KATNAL2: variants seen among roughly 807,000 people sequenced by gnomAD.
KATNAL2 encodes the protein katanin catalytic subunit A1 like 2.
A neutral mutation model predicts 76.3 loss-of-function variants in KATNAL2; 52 were observed. The ratio of observed to expected loss-of-function variants is 0.68; its 90% CI spans 0.55 to 0.86. The LOEUF is 0.86. KATNAL2 is among the 40% of genes least tolerant of loss of function. The probability of loss-of-function intolerance (pLI) is 0.00; values close to 1 mark genes in which losing one functional copy is unlikely to be tolerated. For missense variants in KATNAL2, 660 were observed against 668.9 expected (o/e 0.99, Z 0.15); for synonymous variants, 243 against 244.2 (o/e 1.00, Z 0.05).
intron 15 of KATNAL2, among the ~76,000 whole-genome samples, chr18:47,087,642 C>G (rs567597156): frequency 6.6e-6 from 1 of 152,014 alleles, no homozygotes; most frequent in South Asian, 2.1e-4. Flanking sequence ...ACAACAAACC[C>G]CCATGACAAA....
Position 46,949,069 on chromosome 18 carries a change from CTG to C in KATNAL2, c.51+2148_51+2149del, listed in dbSNP as rs1023585421. Reference sequence around the variant, plus strand: ...GCAACACCATGCCCGGCTAATTTTTCTGTATATTTAGTAGAAATGGGTTTTGC... The same window carrying C: ...GCAACACCATGCCCGGCTAATTTTTCTATATTTAGTAGAAATGGGTTTTGC... On this transcript the variant is annotated intron_variant, in intron 3 of 17. Transcript: ENST00000683218. Among the ~76,000 whole-genome samples the C allele has an allele frequency of 3.5e-4, 53 of 151,810 alleles. 1 individual carries two copies. Among genetic ancestry groups the C allele is most frequent in the African/African-American group, 1.2e-3 (50 of 41,406 alleles).
chr18:47,034,668 G>T (rs1370301857), intron 3 of KATNAL2: 3 of 1,613,486 alleles, frequency 1.9e-6, no homozygotes, highest in Non-Finnish European at 2.5e-6. Context: ...CCTGAGCCGC[G>T]TGAGTGTGGC....
rs1018252434 is a variant in KATNAL2 at position 46,946,689 on chromosome 18, G to A, written c.-20+143G>A. On this transcript the variant is annotated intron_variant, in intron 2 of 17. Transcript: ENST00000683218. ...CATGCAAACACTCTGGATTAAACAT[G>A]CATGGTCTAACATTGATTGGCATGT... The A allele has an allele frequency of 2.8e-6, 3 of 1,055,474 alleles. No individual in the cohort carries two copies. In the African/African-American group the frequency reaches 4.8e-5, roughly 17 times the overall value. 65.4% of individuals were successfully genotyped at this position (1,055,474 alleles called of 1,614,324 possible). A position where few individuals can be genotyped will look rare whatever the true frequency, so the allele number is the denominator to read the frequency against.
At chr18:46,944,683 C>T (rs907140130) in intron 1 of KATNAL2, among the ~76,000 whole-genome samples, 2 of 151,926 alleles carry the variant, frequency 1.3e-5, no homozygotes, top group Non-Finnish European at 2.9e-5. Context: ...TGCAGTGAGC[C>T]GAGATCACGC....
chr18:47,057,679 T>C (rs1454459637), intron 6 of KATNAL2, among the ~76,000 whole-genome samples: 5 of 152,206 alleles, frequency 3.3e-5, no homozygotes, highest in African/African-American at 9.6e-5. Flanking sequence ...TGGGACAACA[T>C]TGATGAAGGG....
rs779827869 is a variant in KATNAL2, at chr18:47,100,314, C to T, written c.1435C>T (p.Pro479Ser). 18 of 1,614,112 alleles carry T rather than the reference C, an allele frequency of 1.1e-5. No homozygotes were observed. In the African/African-American group the frequency reaches 2.3e-4, roughly 20 times the overall value. ...CGTCTGCAGGGAAGCAGCCATGCGG[C>T]CCGTGAGGAAGATCTTTGATGCACT... ...KLVCREAAMR[P>S]VRKIFDALEN... Residue 479 changes from proline (P) to serine (S), a missense_variant, in exon 17 of 18, where the codon CCC (proline) becomes TCC (serine). Physicochemically the swap from Pro to Ser is moderately conservative, Grantham distance 74. Coordinates refer to ENST00000683218, the MANE Select transcript of KATNAL2 (RefSeq NM_001387690.1).
chr18:47,078,423 C>A (rs1261545012), intron 15 of KATNAL2, among the ~76,000 whole-genome samples: 2 of 152,162 alleles, frequency 1.3e-5, no homozygotes, highest in Non-Finnish European at 2.9e-5. Context: ...ATCTAGAATA[C>A]TTTCTCTACT....
At chr18:47,055,069 C>T (rs2061433919) in intron 6 of KATNAL2, among the ~76,000 whole-genome samples, 1 of 152,196 alleles carries the variant, frequency 6.6e-6, no homozygotes, top group Non-Finnish European at 1.5e-5. Flanking sequence ...TGTCTCTGGA[C>T]CTTTTTGGGT....
At chr18:47,058,107 C>T in intron 6 of KATNAL2, 128 bp from the exon 7 acceptor site, 1 of 691,088 alleles carries the variant, frequency 1.4e-6, no homozygotes, top group Non-Finnish European at 2.6e-6. Flanking sequence ...GTGGAAGGGC[C>T]CTATAGTTGC....
Position 47,043,226 on chromosome 18 carries a change from CAAAAAAAAA to C in KATNAL2, c.52-3220_52-3212del, listed in dbSNP as rs1195140135. Among the ~76,000 whole-genome samples, 5 of 41,688 alleles carry C rather than the reference CAAAAAAAAA, an allele frequency of 1.2e-4. 1 individual carries two copies. Among genetic ancestry groups the C allele is most frequent in the Admixed American group, 8.9e-4 (3 of 3,370 alleles). The allele number at this position is 41,688 out of a possible 152,430, so 27.3% of individuals were successfully genotyped here. The stretch of plus-strand genomic sequence containing the variant: ...CCGGCGACAGAGCGAGACTCCGTTT[CAAAAAAAAA>C]AAAAAAAAAAGAGATCCTAAAAGCT... On this transcript the variant is annotated intron_variant, in intron 3 of 17. Transcript: ENST00000683218.
rs947584285 is a variant in KATNAL2 at position 46,962,112 on chromosome 18, G to C, written c.51+15189G>C. On this transcript the variant is annotated intron_variant, in intron 3 of 17. Coordinates refer to ENST00000683218, the MANE Select transcript of KATNAL2 (RefSeq NM_001387690.1). Reference sequence around the variant, plus strand: ...CAGCCACTTGAGCAAATAGGATTTTGGCTCAGCCCTCTAAGAAGCTGGGAC... The same window carrying C: ...CAGCCACTTGAGCAAATAGGATTTTCGCTCAGCCCTCTAAGAAGCTGGGAC... 5.3e-5 allele frequency among the ~76,000 whole-genome samples: 8 copies of C among 150,568 alleles called. 1 individual carries two copies. Among genetic ancestry groups the C allele is most frequent in the African/African-American group, 7.5e-5 (3 of 40,170 alleles).
At chr18:47,090,299 G>A (rs570725624) in intron 15 of KATNAL2, among the ~76,000 whole-genome samples, 1 of 152,102 alleles carries the variant, frequency 6.6e-6, no homozygotes, top group South Asian at 2.1e-4. Flanking sequence ...TAGAGACAGG[G>A]TTTCACCATG....
intron 10 of KATNAL2, among the ~76,000 whole-genome samples, chr18:47,063,719 A>G (rs2061705274): frequency 6.6e-6 from 1 of 152,146 alleles, no homozygotes; most frequent in Non-Finnish European, 1.5e-5. Flanking sequence ...AAAAAGTCAG[A>G]GCCTAGAAAT....
intron 3 of KATNAL2, among the ~76,000 whole-genome samples, chr18:46,959,426 T>C (rs1238317137): frequency 6.6e-6 from 1 of 152,200 alleles, no homozygotes; most frequent in Non-Finnish European, 1.5e-5. Context: ...ACCTGGAACA[T>C]GTTGCTAATG....
chr18:46,935,253 C>G (rs8096263), intron 1 of KATNAL2, among the ~76,000 whole-genome samples: 1 of 151,860 alleles, frequency 6.6e-6, no homozygotes, highest in Non-Finnish European at 1.5e-5. Flanking sequence ...TAATTACTAA[C>G]CAGAACACAT....
chr18:46,930,556 C>G (rs1281581021), intron 1 of KATNAL2, among the ~76,000 whole-genome samples: 2 of 152,212 alleles, frequency 1.3e-5, no homozygotes, highest in African/African-American at 4.8e-5. Context: ...CGGCTCACAC[C>G]TATAATCCCA....
chr18:47,038,046 C>A (rs933149431), intron 3 of KATNAL2, among the ~76,000 whole-genome samples: 1 of 152,096 alleles, frequency 6.6e-6, no homozygotes, highest in Non-Finnish European at 1.5e-5. Flanking sequence ...CTCAGCCAAT[C>A]CCCATTATAG....
chr18:46,949,973 C>T (rs773821907), intron 3 of KATNAL2, among the ~76,000 whole-genome samples: 1 of 152,058 alleles, frequency 6.6e-6, no homozygotes, highest in African/African-American at 2.4e-5. Context: ...TTGGGATAAA[C>T]CCTCCAAATC....
At chr18:47,082,736 G>A (rs1022333989) in intron 15 of KATNAL2, among the ~76,000 whole-genome samples, 3 of 152,150 alleles carry the variant, frequency 2.0e-5, no homozygotes, top group East Asian at 1.9e-4. Flanking sequence ...GAATGCTGCC[G>A]TGAGCAGCAG....
Sources: gnomAD v4.1 joint callset for allele counts (sites outside exome capture counted in the v4.1 genomes callset) on GRCh38, gnomAD v4.1.1 for gene constraint, MANE v1.5 for transcripts, NCBI Gene and HGNC (gene_info 2026-07-23, HGNC 2026-07-21) for gene names.